ZMAT1: variants seen among roughly 807,000 people sequenced by gnomAD.
The protein encoded by ZMAT1 is zinc finger matrin-type protein 1.
Under a neutral mutation model 18.5 loss-of-function variants are expected in ZMAT1, and 11 were observed. The ratio of observed to expected loss-of-function variants is 0.59; its 90% confidence interval spans 0.37 to 0.98. The LOEUF (loss-of-function observed/expected upper bound fraction) is 0.98. Ranked by LOEUF, ZMAT1 falls within the 50% of genes least tolerant of loss-of-function variation. The pLI, the probability that ZMAT1 is intolerant of heterozygous loss-of-function variation, is 0.01. For synonymous variants in ZMAT1, 211 were observed against 176.4 expected (o/e 1.20, Z -1.55); for missense variants, 525 against 496.2 (o/e 1.06, Z -0.55).
intron 1 of ZMAT1, among the ~76,000 whole-genome samples, chrX:101,907,107 C>T (rs772862159): frequency 8.9e-6 from 1 of 112,227 alleles, no homozygotes; most frequent in South Asian, 3.7e-4. Flanking sequence ...TGGACTCAAG[C>T]TCCAGGCCCA....
chrX:101,898,777 G>A (rs1469221341), intron 2 of ZMAT1, among the ~76,000 whole-genome samples: 2 of 111,986 alleles, frequency 1.8e-5, no homozygotes, highest in East Asian at 2.8e-4. Context: ...CCCGCCAGAC[G>A]TGGTGGCTCA....
intron 1 of ZMAT1, among the ~76,000 whole-genome samples, chrX:101,920,611 A>G (rs1353330132): frequency 8.9e-6 from 1 of 111,829 alleles, no homozygotes; most frequent in East Asian, 2.8e-4. Context: ...AAAATAATGG[A>G]AAAAAAAGAA....
At chrX:101,926,418 G>C (rs763084031) in intron 1 of ZMAT1, among the ~76,000 whole-genome samples, 2 of 112,484 alleles carry the variant, frequency 1.8e-5, no homozygotes, top group Non-Finnish European at 3.8e-5. Flanking sequence ...AAGTGCAGCT[G>C]AGTGTGAAAT....
intron 1 of ZMAT1, chrX:101,911,821 A>G: frequency 8.3e-7 from 1 of 1,207,389 alleles, no homozygotes; most frequent in Non-Finnish European, 1.1e-6. Flanking sequence ...ACACCAAGGA[A>G]AAGCCCTATC....
At chrX:101,912,861 C>T (rs1337266615) in intron 1 of ZMAT1, among the ~76,000 whole-genome samples, 1 of 111,864 alleles carries the variant, frequency 8.9e-6, no homozygotes, top group African/African-American at 3.2e-5. Flanking sequence ...AAGCTGCTTC[C>T]ATAGAGTCTC....
intron 1 of ZMAT1, among the ~76,000 whole-genome samples, chrX:101,904,770 C>A (rs370498056): frequency 7.3e-5 from 8 of 110,320 alleles, no homozygotes; most frequent in African/African-American, 2.6e-4. Flanking sequence ...TAGCAAGACA[C>A]AATCTCTAAA....
chrX:101,914,656 C>T (rs946513489), intron 1 of ZMAT1, among the ~76,000 whole-genome samples: 5 of 110,840 alleles, frequency 4.5e-5, no homozygotes, highest in African/African-American at 1.6e-4. Flanking sequence ...AGGAAGAAAT[C>T]CAGAACCATT....
intron 4 of ZMAT1, among the ~76,000 whole-genome samples, chrX:101,890,797 C>A (rs1927328785): frequency 1.8e-5 from 2 of 110,739 alleles, no homozygotes; most frequent in South Asian, 7.6e-4. Flanking sequence ...GAATAGTTAA[C>A]CTGAAAAGAG....
intron 1 of ZMAT1, among the ~76,000 whole-genome samples, chrX:101,921,306 C>T (rs1007929887): frequency 3.3e-4 from 37 of 112,063 alleles, no homozygotes; most frequent in Non-Finnish European, 6.0e-4. Flanking sequence ...TGTTTTGTTT[C>T]TTAAAGCTTT....
chrX:101,886,508 A>T, intron 5 of ZMAT1, 124 bp downstream of exon 5: 3 of 460,865 alleles, frequency 6.5e-6, no homozygotes, highest in Non-Finnish European at 7.6e-6. Flanking sequence ...AATATTGCCA[A>T]CCATACCCAG....
intron 4 of ZMAT1, chrX:101,895,782 A>C (rs1927758569): frequency 1.4e-6 from 1 of 717,464 alleles, no homozygotes; most frequent in South Asian, 7.2e-5. Context: ...CACTGCTGGG[A>C]GAGGAAGGCA....
At chrX:101,887,849 T>C (rs1222255171) in intron 4 of ZMAT1, 1 of 111,605 alleles carries the variant, frequency 9.0e-6, no homozygotes, top group East Asian at 2.8e-4. Flanking sequence ...CACTTTCTGA[T>C]TATAATTGGT....
chrX:101,886,657 T>C lies in ZMAT1; in HGVS notation c.751A>G (p.Met251Val), dbSNP rs1451309361. Reference sequence around the variant, plus strand: ...TTAATTTGATGTTCACTTCCTTGCATGTGGGACCGGAACATATCTAAAGAT... The same window carrying C: ...TTAATTTGATGTTCACTTCCTTGCACGTGGGACCGGAACATATCTAAAGAT... Reference protein sequence around the residue: ...FTSLDMFRSHMQGSEHQIKES... With the variant: ...FTSLDMFRSHVQGSEHQIKES... Residue 251 changes from methionine to valine, a missense_variant, in exon 5 of 6, where the codon ATG (methionine) becomes GTG (valine). Physicochemically the swap from Met to Val is conservative, Grantham distance 21. Coordinates refer to ENST00000651725, the MANE Select transcript of ZMAT1 (RefSeq NM_001394560.1). 1 of 1,205,994 alleles carries C rather than the reference T, an allele frequency of 8.3e-7. No homozygotes were observed. Among genetic ancestry groups the C allele is most frequent in the South Asian group, 1.8e-5 (1 of 55,857 alleles).
In ZMAT1 at chrX:101,882,851, T is replaced by A. The variant is rs919141490; in HGVS notation, c.*659A>T. 9.0e-6 allele frequency: 1 copy of A among 111,039 alleles called. No homozygotes were observed. Among genetic ancestry groups the A allele is most frequent in the Non-Finnish European group, 1.9e-5 (1 of 52,825 alleles). 9.2% of individuals were successfully genotyped at this position (111,039 alleles called of 1,213,427 possible). A position where few individuals can be genotyped will look rare whatever the true frequency, so the allele number is the denominator to read the frequency against. On this transcript the variant is annotated 3_prime_UTR_variant, in exon 6 of 6. Coordinates refer to ENST00000651725, the MANE Select transcript of ZMAT1 (RefSeq NM_001394560.1). ...AGCCATCCACCTAGAAAAATTACAA[T>A]AACATGAATTTTATAAAACCAAACT...
intron 1 of ZMAT1, among the ~76,000 whole-genome samples, chrX:101,915,350 A>T (rs970244799): frequency 1.3e-3 from 72 of 55,827 alleles, no homozygotes; most frequent in Admixed American, 4.7e-3. Flanking sequence ...TCAAACAAAA[A>T]ATATATATAT....
chrX:101,886,956 T>C (rs969947012), intron 4 of ZMAT1: 3 of 306,844 alleles, frequency 9.8e-6, no homozygotes, highest in Non-Finnish European at 1.7e-5. Context: ...CAGAATTCTT[T>C]ACACCACACC....
Position 101,931,403 on chromosome X carries a change from C to A in ZMAT1, c.292+314G>T, listed in dbSNP as rs770334641. The A allele has an allele frequency of 5.4e-5, 40 of 738,020 alleles. No homozygotes were observed. The Admixed American group carries it at 6.1e-4, about 11-fold the overall frequency. 60.8% of individuals were successfully genotyped at this position (738,020 alleles called of 1,213,427 possible). A position where few individuals can be genotyped will look rare whatever the true frequency, so the allele number is the denominator to read the frequency against. ...AGCTTCCTACAGCACACTAAGGTGT[C>A]CTGGCTGGGAGAGAAATTATGTGGT... On this transcript the variant is annotated intron_variant, in intron 1 of 5. Coordinates refer to ENST00000651725, the MANE Select transcript of ZMAT1 (RefSeq NM_001394560.1).
chrX:101,894,259 T>A (rs1927640486), intron 4 of ZMAT1, among the ~76,000 whole-genome samples: 1 of 111,502 alleles, frequency 9.0e-6, no homozygotes, highest in Non-Finnish European at 1.9e-5. Flanking sequence ...TCCCAGGTGA[T>A]GCCAATGGTG....
chrX:101,930,051 A>G (rs1240500670), intron 1 of ZMAT1, among the ~76,000 whole-genome samples: 3 of 112,098 alleles, frequency 2.7e-5, no homozygotes, highest in Admixed American at 9.4e-5. Context: ...TAACATAAGT[A>G]AGGTATTGCT....
Sources: allele counts gnomAD v4.1 joint callset (sites outside exome capture counted in the v4.1 genomes callset), GRCh38; gene constraint gnomAD v4.1.1; transcripts MANE v1.5; gene names NCBI Gene and HGNC (gene_info 2026-07-23, HGNC 2026-07-21).